The following MAMDC2 variants were observed in gnomAD, a reference collection of about 807,000 sequenced individuals.
MAMDC2 encodes MAM domain-containing protein 2.
In MAMDC2, 57 loss-of-function variants were observed where a neutral mutation model predicts 89.8. That is an observed-to-expected ratio of 0.63 (90% confidence interval 0.51 to 0.79). The LOEUF is 0.79. Ranked by LOEUF, MAMDC2 falls within the 30% of genes least tolerant of loss-of-function variation. The pLI is 0.00. For missense variants in MAMDC2, 800 were observed against 820.6 expected (o/e 0.97, Z 0.31); for synonymous variants, 313 against 293.4 (o/e 1.07, Z -0.68).
intron 2 of MAMDC2, among the ~76,000 whole-genome samples, chr9:70,048,278 T>C (rs1476557671): frequency 1.3e-5 from 2 of 152,208 alleles, no homozygotes; most frequent in Admixed American, 6.5e-5. Context: ...TTTTTGTTTT[T>C]TGTTTTGTCT....
intron 11 of MAMDC2, among the ~76,000 whole-genome samples, chr9:70,190,856 T>C (rs939264776): frequency 6.6e-6 from 1 of 152,162 alleles, no homozygotes; most frequent in African/African-American, 2.4e-5. Context: ...GCCCTGAGAA[T>C]GAAGCTTTTC....
At chr9:70,218,623 C>T (rs1389920767) in intron 12 of MAMDC2, 27 bp downstream of exon 12, 1 of 1,557,612 alleles carries the variant, frequency 6.4e-7, no homozygotes, top group East Asian at 2.3e-5. Context: ...AAGAACTAAG[C>T]AATGGAAAAC....
chr9:70,143,901 G>A (rs910911097), intron 9 of MAMDC2, 82 bp downstream of exon 9: 3 of 1,505,602 alleles, frequency 2.0e-6, no homozygotes, highest in African/African-American at 1.4e-5. Context: ...ACTGTCAACT[G>A]GTGATGTATT....
Position 70,126,381 on chromosome 9 carries a change from C to T in MAMDC2, c.866C>T (p.Ala289Val), listed in dbSNP as rs147526021. ...CCAGGGAATGCTGCCTGGAACCTTGCGGAGGTCGAGTTCAGTGCTCCTTAC... is the reference window on the plus strand; with the variant it reads ...CCAGGGAATGCTGCCTGGAACCTTGTGGAGGTCGAGTTCAGTGCTCCTTAC... ...DRPGNAAWNLAEVEFSAPYPM... is the reference protein window; with the variant it reads ...DRPGNAAWNLVEVEFSAPYPM... The change falls in exon 6 of 14, where the codon GCG becomes GTG. Residue 289 changes from alanine (A) to valine (V), a missense_variant. Ala to Val is a moderately conservative substitution (Grantham distance 64). Transcript: ENST00000377182. 8.7e-5 allele frequency: 141 copies of T among 1,613,886 alleles called. No homozygotes were observed. Among genetic ancestry groups the T allele is most frequent in the Non-Finnish European group, 9.9e-5 (117 of 1,179,970 alleles).
chr9:70,050,785 A>G (rs1826875751), intron 2 of MAMDC2, among the ~76,000 whole-genome samples: 1 of 152,164 alleles, frequency 6.6e-6, no homozygotes, highest in Admixed American at 6.5e-5. Context: ...TCTTCATTCC[A>G]ACCAGAGAAA....
chr9:70,113,247 A>G (rs969994677), intron 5 of MAMDC2, 115 bp downstream of exon 5: 2 of 1,199,250 alleles, frequency 1.7e-6, no homozygotes, highest in Admixed American at 4.4e-5. Flanking sequence ...AGGAGGGAGG[A>G]GGGTGAGTAG....
At chr9:70,093,296 A>G (rs1053248004) in intron 2 of MAMDC2, among the ~76,000 whole-genome samples, 1 of 152,216 alleles carries the variant, frequency 6.6e-6, no homozygotes, top group South Asian at 2.1e-4. Flanking sequence ...GTGAATGGAC[A>G]CATATTTTAT....
chr9:70,090,957 G>T (rs1438065656), intron 2 of MAMDC2, among the ~76,000 whole-genome samples: 1 of 152,178 alleles, frequency 6.6e-6, no homozygotes, highest in East Asian at 1.9e-4. Context: ...GAAACAGATA[G>T]ATAATATAAC....
rs1349843496 is a variant in MAMDC2, at chr9:70,204,476, A to T, written c.1652-13861A>T. ...CTCTTCAAAGCTGTCAGACAGGGAC[A>T]TTTAAGTCTGCAGAGGTTACTGCTG... On this transcript the variant is annotated intron_variant, in intron 11 of 13. Transcript: ENST00000377182. Among the ~76,000 whole-genome samples the T allele has an allele frequency of 2.0e-5, 3 of 149,564 alleles. No individual in the cohort carries two copies. The East Asian group carries it at 6.0e-4, about 30-fold the overall frequency.
intron 11 of MAMDC2, among the ~76,000 whole-genome samples, chr9:70,198,200 TA>T (rs2033016409): frequency 6.9e-6 from 1 of 145,156 alleles, no homozygotes; most frequent in African/African-American, 2.6e-5. Context: ...ACACACACAA[TA>T]TATAATATAT....
chr9:70,140,027 G>A, intron 7 of MAMDC2, 118 bp from the exon 8 acceptor site: 1 of 1,049,978 alleles, frequency 9.5e-7, no homozygotes, highest in South Asian at 2.1e-5. Flanking sequence ...ATTTAGTTGT[G>A]TTTTACTTCT....
chr9:70,148,886 G>A (rs936919257), intron 9 of MAMDC2, among the ~76,000 whole-genome samples: 8 of 149,304 alleles, frequency 5.4e-5, no homozygotes, highest in Admixed American at 1.3e-4. Flanking sequence ...AAAATTAGCC[G>A]GGCGTGGTGG....
intron 2 of MAMDC2, among the ~76,000 whole-genome samples, chr9:70,067,319 T>G (rs1293172520): frequency 6.6e-6 from 1 of 152,146 alleles, no homozygotes. Context: ...CCTTCAGTCC[T>G]GAAGAGGGAT....
At chr9:70,220,688 A>G (rs2033538992) in intron 12 of MAMDC2, among the ~76,000 whole-genome samples, 1 of 152,306 alleles carries the variant, frequency 6.6e-6, no homozygotes, top group African/African-American at 2.4e-5. Flanking sequence ...CCAGATCTGC[A>G]TGGTTCCAAA....
intron 9 of MAMDC2, among the ~76,000 whole-genome samples, chr9:70,163,229 C>CTTTTTTTTTTTTTTTT (rs66957093): frequency 8.0e-6 from 1 of 125,128 alleles, no homozygotes; most frequent in African/African-American, 3.0e-5. Flanking sequence ...TTCTTTCTTT[C>CTTTTTTTTTTTTTTTT]TTTTTTTTTT....
chr9:70,140,801 T>C (rs573478502), intron 8 of MAMDC2, among the ~76,000 whole-genome samples: 3 of 152,312 alleles, frequency 2.0e-5, no homozygotes, highest in Non-Finnish European at 4.4e-5. Context: ...TTTTATACCA[T>C]GTATATTTTA....
intron 11 of MAMDC2, among the ~76,000 whole-genome samples, chr9:70,198,160 G>GTATATATATATA (rs755641073): frequency 7.8e-5 from 4 of 51,160 alleles, no homozygotes; most frequent in African/African-American, 2.2e-4. Context: ...GTGTATGTGT[G>GTATATATATATA]TATATATATA....
intron 9 of MAMDC2, among the ~76,000 whole-genome samples, chr9:70,150,884 T>C (rs1342840430): frequency 6.6e-6 from 1 of 152,206 alleles, no homozygotes; most frequent in Non-Finnish European, 1.5e-5. Context: ...ATCATTTCTT[T>C]GAAACAGGAA....
chr9:70,167,351 C>G (rs2032205723), intron 9 of MAMDC2, among the ~76,000 whole-genome samples: 1 of 152,068 alleles, frequency 6.6e-6, no homozygotes, highest in South Asian at 2.1e-4. Flanking sequence ...CTTTACATTT[C>G]TTTTTAAATA....
Sources: gnomAD v4.1 joint callset for allele counts (sites outside exome capture counted in the v4.1 genomes callset) on GRCh38, gnomAD v4.1.1 for gene constraint, MANE v1.5 for transcripts, NCBI Gene and HGNC (gene_info 2026-07-23, HGNC 2026-07-21) for gene names.